The following GMFG variants were observed in gnomAD, a reference collection of about 807,000 sequenced individuals.
GMFG encodes the protein glia maturation factor gamma.
GMFG carries 21 observed loss-of-function variants against 26.1 expected under a neutral mutation model. That is an observed-to-expected ratio of 0.80 (90% CI 0.57 to 1.16). The LOEUF is 1.16. GMFG is among the 50% of genes most tolerant of loss of function. The pLI is 0.00. For synonymous variants in GMFG, 65 were observed against 60.8 expected (o/e 1.07, Z -0.32); for missense variants, 161 against 178.3 (o/e 0.90, Z 0.55).
intron 1 of GMFG, 45 bp from the exon 2 acceptor site, chr19:39,335,576 C>T (rs577625542): frequency 1.6e-6 from 2 of 1,283,446 alleles, no homozygotes; most frequent in Admixed American, 1.7e-5. Flanking sequence ...TGGCCTCAGC[C>T]CTCACCCCTT....
chr19:39,335,631 C>T, intron 1 of GMFG, 100 bp from the exon 2 acceptor site: 1 of 849,988 alleles, frequency 1.2e-6, no homozygotes, highest in Non-Finnish European at 2.0e-6. Context: ...GAGCATCGCG[C>T]CGGCCCATCT....
At chr19:39,331,482 C>T (rs1249319703) in intron 4 of GMFG, among the ~76,000 whole-genome samples, 4 of 152,118 alleles carry the variant, frequency 2.6e-5, no homozygotes, top group African/African-American at 9.7e-5. Flanking sequence ...ATCCTAGAGA[C>T]CCAAAATGAA....
chr19:39,328,976 C>G, intron 6 of GMFG, 24 bp downstream of exon 6: 1 of 1,570,902 alleles, frequency 6.4e-7, no homozygotes, highest in Non-Finnish European at 8.8e-7. Context: ...CCCTAACACT[C>G]TGGAGCCCCA....
chr19:39,331,696 G>A (rs1463712112), intron 4 of GMFG, among the ~76,000 whole-genome samples: 2 of 152,206 alleles, frequency 1.3e-5, no homozygotes, highest in South Asian at 2.1e-4. Context: ...GATGGCTTGA[G>A]CCCAGGAGTT....
chr19:39,333,912 A>G (rs1227648626), intron 3 of GMFG, among the ~76,000 whole-genome samples: 1 of 151,854 alleles, frequency 6.6e-6, no homozygotes, highest in Non-Finnish European at 1.5e-5. Flanking sequence ...CCTTATCGCA[A>G]CACTAGAGAA....
chr19:39,329,711 G>T, intron 4 of GMFG, 85 bp from the exon 5 acceptor site: 1 of 844,838 alleles, frequency 1.2e-6, no homozygotes, highest in Non-Finnish European at 2.0e-6. Context: ...GCCTTGAAAT[G>T]TTGGCTGAGT....
chr19:39,332,851 A>T (rs1056493497), intron 4 of GMFG: 1 of 311,822 alleles, frequency 3.2e-6, no homozygotes, highest in Non-Finnish European at 6.1e-6. Flanking sequence ...TAGAGACGGG[A>T]TTTCACCATG....
At chr19:39,328,890 AAAC>A in intron 6 of GMFG, 107 bp downstream of exon 6, 5 of 859,010 alleles carry the variant, frequency 5.8e-6, no homozygotes, top group Admixed American at 1.9e-5. Flanking sequence ...AAAAAAACAA[AAAC>A]AAAAACAAAA....
At chr19:39,335,610 C>G in intron 1 of GMFG, 79 bp from the exon 2 acceptor site, 1 of 967,546 alleles carries the variant, frequency 1.0e-6, no homozygotes, top group Non-Finnish European at 1.7e-6. Flanking sequence ...TCTCCATCCA[C>G]TAATGAAGAG....
chr19:39,334,687 C>T (rs986855102), intron 3 of GMFG, among the ~76,000 whole-genome samples: 7 of 152,118 alleles, frequency 4.6e-5, no homozygotes, highest in Non-Finnish European at 8.8e-5. Context: ...TTGTTCTAAA[C>T]CCATTACAAG....
chr19:39,328,869 C>A, intron 6 of GMFG, 131 bp downstream of exon 6: 1 of 735,342 alleles, frequency 1.4e-6, no homozygotes. Flanking sequence ...CAGAGCGAGA[C>A]CCAGTTCTTT....
intron 1 of GMFG, among the ~76,000 whole-genome samples, chr19:39,335,744 T>C (rs1347269838): frequency 6.6e-6 from 1 of 152,140 alleles, no homozygotes; most frequent in East Asian, 1.9e-4. Flanking sequence ...GGTTCCCGCC[T>C]TCTCCACGGG....
chr19:39,335,903 G>T, intron 1 of GMFG, 71 bp downstream of exon 1: 1 of 1,071,442 alleles, frequency 9.3e-7, no homozygotes. Flanking sequence ...CCTGACCTTC[G>T]CCCAGGTGTC....
At chr19:39,329,197 T>C in intron 5 of GMFG, 124 bp from the exon 6 acceptor site, 1 of 652,934 alleles carries the variant, frequency 1.5e-6, no homozygotes, top group Non-Finnish European at 2.7e-6. Flanking sequence ...AGGAGGTCCC[T>C]GCACTGTACT....
At chr19:39,332,317 G>A (rs868101797) in intron 4 of GMFG, among the ~76,000 whole-genome samples, 25 of 147,344 alleles carry the variant, frequency 1.7e-4, no homozygotes, top group African/African-American at 4.6e-4. Flanking sequence ...GCAACAGAGC[G>A]AGACTCTGTC....
chr19:39,328,791 T>G, intron 6 of GMFG: 1 of 613,934 alleles, frequency 1.6e-6, no homozygotes, highest in South Asian at 1.9e-5. Context: ...GGCAGGAGAA[T>G]TGCTTGAACC....
At chr19:39,331,756 C>T (rs1442542542) in intron 4 of GMFG, among the ~76,000 whole-genome samples, 2 of 152,122 alleles carry the variant, frequency 1.3e-5, no homozygotes, top group African/African-American at 4.8e-5. Context: ...GCCTGGGTGA[C>T]ACAGTGAGAC....
At chr19:39,333,027 A>T in intron 4 of GMFG, 50 bp downstream of exon 4, 1 of 1,262,698 alleles carries the variant, frequency 7.9e-7, no homozygotes, top group Non-Finnish European at 1.2e-6. Flanking sequence ...TACCTCCAAC[A>T]TCACCCCTCC....
intron 3 of GMFG, among the ~76,000 whole-genome samples, chr19:39,333,488 G>A (rs1391751138): frequency 6.6e-6 from 1 of 151,360 alleles, no homozygotes; most frequent in African/African-American, 2.4e-5. Context: ...GCTGAGGCAG[G>A]AGAATTGCTT....
Sources: gnomAD v4.1 joint callset for allele counts (sites outside exome capture counted in the v4.1 genomes callset) on GRCh38, gnomAD v4.1.1 for gene constraint, MANE v1.5 for transcripts, NCBI Gene and HGNC (gene_info 2026-07-23, HGNC 2026-07-21) for gene names.